Variants in H3C6 observed in about 807,000 individuals in gnomAD.
The protein encoded by H3C6 is H3 clustered histone 6.
H3C6 carries 17 observed loss-of-function variants against 8.0 expected under a neutral mutation model. That is an observed-to-expected ratio of 2.13 (90% confidence interval 1.46 to 3.19). The LOEUF (loss-of-function observed/expected upper bound fraction) is 3.19. Ranked by LOEUF, H3C6 falls within the 30% of genes most tolerant of loss-of-function variation. H3C6 has a pLI of 0.00. For synonymous variants in H3C6, 169 were observed against 78.0 expected (o/e 2.17, Z -6.15); for missense variants, 298 against 193.8 (o/e 1.54, Z -3.19).
downstream of H3C6, chr6:26,225,746 G>C (rs1455994881): frequency 1.3e-6 from 1 of 775,830 alleles, no homozygotes; most frequent in Admixed American, 3.2e-5. Context: ...AAATTTAAGC[G>C]CTCCCTCAGG....
At position 26,225,451 on chromosome 6, in the gene H3C6, C is replaced by T. The variant is rs370202705; in HGVS notation, c.297C>T (p.Ala99=). The stretch of plus-strand genomic sequence containing the variant: ...TGGCGCTGCAGGAGGCCTGCGAGGC[C>T]TACTTGGTGGGGCTTTTCGAGGACA... ...AVMALQEACE[A]YLVGLFEDTN... Residue 99 remains alanine (A), a synonymous_variant, in exon 1 of 1, where the codon GCC becomes GCT. Coordinates refer to ENST00000614911, the MANE Select transcript of H3C6 (RefSeq NM_003532.3). 2 of 1,614,250 alleles carry T rather than the reference C, an allele frequency of 1.2e-6. No individual in the cohort carries two copies. The highest frequency in any genetic ancestry group is 2.2e-5 in the East Asian group (1 of 44,886).
At chr6:26,224,939 G>C, upstream of H3C6, 1 of 462,940 alleles carries the variant, frequency 2.2e-6, no homozygotes, top group Non-Finnish European at 3.8e-6. Context: ...AACCTGTAAC[G>C]GAAAACGACT....
downstream of H3C6, chr6:26,227,297 G>A (rs1041302501): frequency 1.3e-5 from 2 of 152,162 alleles, no homozygotes; most frequent in African/African-American, 4.8e-5. Flanking sequence ...GTTTTAACCT[G>A]TATTTCTCTT....
At position 26,225,218 on chromosome 6, in the gene H3C6, G is replaced by A. The variant is rs1561992711; in HGVS notation, c.64G>A (p.Ala22Thr). The A allele has an allele frequency of 2.5e-6, 4 of 1,608,374 alleles. No homozygotes were observed. The highest frequency in any genetic ancestry group is 1.1e-5 in the South Asian group (1 of 90,518). The part of the protein sequence containing the change: ...TGGKAPRKQL[A>T]TKAARKSAPA... ...CGGTAAAGCACCGCGCAAACAGCTG[G>A]CCACTAAGGCAGCTCGCAAGAGCGC... The change falls in exon 1 of 1, where the codon GCC becomes ACC. Residue 22 changes from alanine to threonine, a missense_variant. Ala to Thr is a moderately conservative substitution (Grantham distance 58, BLOSUM62 0). Coordinates refer to ENST00000614911, the MANE Select transcript of H3C6 (RefSeq NM_003532.3).
Position 26,225,479 on chromosome 6 carries a change from A to C in H3C6, c.325A>C (p.Asn109His). The change falls in exon 1 of 1, where the codon AAC (asparagine) becomes CAC (histidine). Residue 109 changes from asparagine (N) to histidine (H), a missense_variant. Coordinates refer to ENST00000614911, the MANE Select transcript of H3C6 (RefSeq NM_003532.3). ...AYLVGLFEDTNLCAIHAKRVT... is the reference protein window; with the variant it reads ...AYLVGLFEDTHLCAIHAKRVT... The stretch of plus-strand genomic sequence containing the variant: ...CTTGGTGGGGCTTTTCGAGGACACC[A>C]ACCTGTGCGCTATTCATGCCAAACG... 1 of 1,614,232 alleles carries C rather than the reference A, an allele frequency of 6.2e-7. No homozygotes were observed. The highest frequency in any genetic ancestry group is 1.7e-5 in the Admixed American group (1 of 60,026).
chr6:26,225,236 A>T lies in H3C6; in HGVS notation c.82A>T (p.Lys28Ter). 3 of 1,612,696 alleles carry T rather than the reference A, an allele frequency of 1.9e-6. No individual in the cohort carries two copies. The highest frequency in any genetic ancestry group is 2.5e-6 in the Non-Finnish European group (3 of 1,179,194). The change falls in exon 1 of 1, where the codon AAG becomes TAG. Residue 28 changes from lysine to a stop codon, truncating the protein, a stop_gained. Coordinates refer to ENST00000614911, the MANE Select transcript of H3C6 (RefSeq NM_003532.3). LOFTEE classifies it high-confidence loss of function. ...ACAGCTGGCCACTAAGGCAGCTCGC[A>T]AGAGCGCTCCGGCCACGGGCGGCGT... Reference protein sequence around the residue: ...RKQLATKAARKSAPATGGVKK... With the variant: ...RKQLATKAAR
At chr6:26,224,911 T>C (rs1339701924), upstream of H3C6, 2 of 393,008 alleles carry the variant, frequency 5.1e-6, no homozygotes, top group Admixed American at 4.2e-5. Context: ...GGTCATGGTC[T>C]ACGTGAAACA....
rs1419668277 is a variant in H3C6 at position 26,225,254 on chromosome 6, G to A, written c.100G>A (p.Gly34Ser). ...KAARKSAPATGGVKKPHRYRP... is the reference protein window; with the variant it reads ...KAARKSAPATSGVKKPHRYRP... ...AGCTCGCAAGAGCGCTCCGGCCACG[G>A]GCGGCGTGAAGAAGCCCCATCGCTA... The change falls in exon 1 of 1, where the codon GGC becomes AGC. Residue 34 changes from glycine to serine, a missense_variant. By Grantham distance (56) the Gly-to-Ser change is moderately conservative (BLOSUM62 0). Transcript: ENST00000614911. 1.2e-6 allele frequency: 2 copies of A among 1,613,706 alleles called. No individual in the cohort carries two copies. The highest frequency in any genetic ancestry group is 2.2e-5 in the East Asian group (1 of 44,898).
chr6:26,224,192 C>T (rs1174262938), upstream of H3C6: 1 of 152,180 alleles, frequency 6.6e-6, no homozygotes, highest in Non-Finnish European at 1.5e-5. Flanking sequence ...TAGTGTTAGG[C>T]TGTAATGTCA....
chr6:26,227,160 ATAATTAAGG>A (rs1257052541), downstream of H3C6: 1 of 152,226 alleles, frequency 6.6e-6, no homozygotes. Context: ...CTAACTATCC[ATAATTAAGG>A]TAACTACTGT....
In H3C6 at chr6:26,225,509, A is replaced by T; in HGVS notation, c.355A>T (p.Thr119Ser). The T allele has an allele frequency of 1.2e-6, 2 of 1,614,202 alleles. No homozygotes were observed. Among genetic ancestry groups the T allele is most frequent in the Non-Finnish European group, 1.7e-6 (2 of 1,180,022 alleles). The change falls in exon 1 of 1, where the codon ACC (threonine) becomes TCC (serine). Residue 119 changes from threonine to serine, a missense_variant. Physicochemically the swap from Thr to Ser is moderately conservative, Grantham distance 58. Transcript: ENST00000614911. Reference sequence around the variant, plus strand: ...GTGCGCTATTCATGCCAAACGCGTGACCATCATGCCTAAAGACATCCAGCT... The same window carrying T: ...GTGCGCTATTCATGCCAAACGCGTGTCCATCATGCCTAAAGACATCCAGCT... Reference protein sequence around the residue: ...NLCAIHAKRVTIMPKDIQLAR... With the variant: ...NLCAIHAKRVSIMPKDIQLAR...
downstream of H3C6, chr6:26,225,683 T>C (rs1393826859): frequency 4.9e-6 from 6 of 1,228,174 alleles, no homozygotes; most frequent in South Asian, 1.5e-5. Flanking sequence ...CTGATCCAAA[T>C]AGACATTTGA....
In H3C6 at chr6:26,225,521, A is replaced by G. The variant is rs1392030714; in HGVS notation, c.367A>G (p.Lys123Glu). ...IHAKRVTIMP[K>E]DIQLARRIRG... ...TGCCAAACGCGTGACCATCATGCCT[A>G]AAGACATCCAGCTTGCCCGCCGCAT... The change falls in exon 1 of 1, where the codon AAA becomes GAA. Residue 123 changes from lysine (K) to glutamate (E), a missense_variant. Physicochemically the swap from Lys to Glu is moderately conservative, Grantham distance 56 (BLOSUM62 1). Transcript: ENST00000614911. The G allele has an allele frequency of 8.7e-6, 14 of 1,614,042 alleles. No individual in the cohort carries two copies. Among genetic ancestry groups the G allele is most frequent in the African/African-American group, 2.7e-5 (2 of 74,940 alleles).
upstream of H3C6, chr6:26,225,095 T>C: frequency 6.7e-7 from 1 of 1,500,198 alleles, no homozygotes; most frequent in Admixed American, 2.3e-5. Context: ...TCAGAGTGAT[T>C]CTGTTCCTAT....
chr6:26,225,815 T>G, downstream of H3C6: 1 of 431,068 alleles, frequency 2.3e-6, no homozygotes, highest in South Asian at 3.2e-5. Flanking sequence ...TGGCTTTGTT[T>G]TGCTGTTCAG....
chr6:26,225,842 T>C (rs2113568276), downstream of H3C6: 2 of 340,246 alleles, frequency 5.9e-6, no homozygotes, highest in East Asian at 6.1e-5. Context: ...TGCTGCTTTC[T>C]TGTACATTGT....
At position 26,225,153 on chromosome 6, in the gene H3C6, C is replaced by G. The variant is rs147117013; in HGVS notation, c.-2C>G. 2,379 of 1,542,400 alleles carry G rather than the reference C, an allele frequency of 1.5e-3. 33 individuals carry two copies. In the African/African-American group the frequency reaches 0.029, roughly 19 times the overall value. ...CTAACTCATTTACTTTGCAGATGAA[C>G]TATGGCGCGTACTAAGCAGACGGCT... On this transcript the variant is annotated 5_prime_UTR_variant, in exon 1 of 1. Coordinates refer to ENST00000614911, the MANE Select transcript of H3C6 (RefSeq NM_003532.3).
rs770438126 is a variant in H3C6 at position 26,225,420 on chromosome 6, C to T, written c.266C>T (p.Ala89Val). 3.1e-6 allele frequency: 5 copies of T among 1,614,126 alleles called. No individual in the cohort carries two copies. The South Asian group carries it at 4.4e-5, about 14-fold the overall frequency. The change falls in exon 1 of 1, where the codon GCG (alanine) becomes GTG (valine). Residue 89 changes from alanine (A) to valine (V), a missense_variant. By Grantham distance (64) the Ala-to-Val change is moderately conservative. Transcript: ENST00000614911. The part of the protein sequence containing the change: ...FKTDLRFQSS[A>V]VMALQEACEA... ...ACCGACCTGCGCTTCCAGAGTTCCG[C>T]GGTGATGGCGCTGCAGGAGGCCTGC...
At position 26,225,503 on chromosome 6, in the gene H3C6, C is replaced by G; in HGVS notation, c.349C>G (p.Arg117Gly). The stretch of plus-strand genomic sequence containing the variant: ...CAACCTGTGCGCTATTCATGCCAAA[C>G]GCGTGACCATCATGCCTAAAGACAT... ...DTNLCAIHAK[R>G]VTIMPKDIQL... Residue 117 changes from arginine (R) to glycine (G), a missense_variant, in exon 1 of 1, where the codon CGC becomes GGC. By Grantham distance (125) the Arg-to-Gly change is moderately radical (BLOSUM62 -2). Transcript: ENST00000614911. 1 of 1,614,226 alleles carries G rather than the reference C, an allele frequency of 6.2e-7. No homozygotes were observed. Among genetic ancestry groups the G allele is most frequent in the Non-Finnish European group, 8.5e-7 (1 of 1,180,032 alleles).
Sources: gnomAD v4.1 joint callset for allele counts on GRCh38, gnomAD v4.1.1 for gene constraint, MANE v1.5 for transcripts, NCBI Gene and HGNC (gene_info 2026-07-23, HGNC 2026-07-21) for gene names.